CDK1: variants seen among roughly 807,000 people sequenced by gnomAD.
CDK1 encodes the protein cyclin dependent kinase 1.
Under a neutral mutation model 34.6 loss-of-function variants are expected in CDK1, and 5 were observed. The ratio of observed to expected loss-of-function variants is 0.14; its 90% CI spans 0.08 to 0.30. The LOEUF (loss-of-function observed/expected upper bound fraction) is 0.30. Among genes scored for constraint, CDK1 ranks in the 10% least tolerant of loss-of-function variants. The pLI, the probability that CDK1 is intolerant of heterozygous loss-of-function variation, is 1.00. For synonymous variants in CDK1, 108 were observed against 114.7 expected, an observed-to-expected ratio of 0.94 and a Z score of 0.37; for missense variants, 157 against 345.7, an observed-to-expected ratio of 0.45 and a Z score of 4.33.
intron 5 of CDK1, 32 bp downstream of exon 5, chr10:60,788,262 G>C (rs2080332145): frequency 7.3e-7 from 1 of 1,364,244 alleles, no homozygotes; most frequent in Non-Finnish European, 1.0e-6. Context: ...GATGGCTTTT[G>C]AATGTGTGTG....
At chr10:60,791,820 A>G in intron 5 of CDK1, 70 bp from the exon 6 acceptor site, 2 of 796,262 alleles carry the variant, frequency 2.5e-6, no homozygotes, top group Admixed American at 2.8e-5. Flanking sequence ...CCTAATAAAA[A>G]TATAAATGTT....
chr10:60,786,944 T>A (rs1289603599), intron 4 of CDK1: 9 of 983,056 alleles, frequency 9.2e-6, no homozygotes, highest in Non-Finnish European at 9.7e-6. Context: ...GAATAATACA[T>A]GTCAGTATTT....
chr10:60,786,554 T>C (rs2080317908), intron 4 of CDK1: 1 of 181,118 alleles, frequency 5.5e-6, no homozygotes, highest in African/African-American at 2.4e-5. Flanking sequence ...GATATTTATC[T>C]TCGTATGCAA....
chr10:60,784,848 C>T lies in CDK1; in HGVS notation c.181C>T (p.Pro61Ser), dbSNP rs1238716954. 3 of 1,612,852 alleles carry T rather than the reference C, an allele frequency of 1.9e-6. No homozygotes were observed. The highest frequency in any genetic ancestry group is 1.7e-6 in the Non-Finnish European group (2 of 1,179,078). ...EISLLKELRHPNIVSLQDVLM... is the reference protein window; with the variant it reads ...EISLLKELRHSNIVSLQDVLM... ...TTCTCTATTAAAGGAACTTCGTCAT[C>T]CAAATATAGTCAGGTATGTTGTAAT... The change falls in exon 3 of 8, where the codon CCA becomes TCA. Residue 61 changes from proline to serine, a missense_variant. Transcript: ENST00000395284.
intron 5 of CDK1, among the ~76,000 whole-genome samples, chr10:60,788,525 T>A (rs925847456): frequency 6.6e-6 from 1 of 152,102 alleles, no homozygotes; most frequent in Non-Finnish European, 1.5e-5. Context: ...TTTTTTACTT[T>A]ATTTATTTAC....
At chr10:60,778,772 G>A (rs1162076132) in intron 1 of CDK1, 3 of 152,620 alleles carry the variant, frequency 2.0e-5, no homozygotes, top group Non-Finnish European at 4.4e-5. Flanking sequence ...TTAGAGGGAG[G>A]CTATGGGAGC....
At chr10:60,782,973 C>T (rs1436279893) in intron 2 of CDK1, among the ~76,000 whole-genome samples, 2 of 151,976 alleles carry the variant, frequency 1.3e-5, no homozygotes, top group African/African-American at 4.8e-5. Flanking sequence ...TGAGATTGTA[C>T]ACTTGAGGGA....
intron 5 of CDK1, among the ~76,000 whole-genome samples, chr10:60,788,779 T>G (rs2080335745): frequency 6.6e-6 from 1 of 152,108 alleles, no homozygotes; most frequent in Non-Finnish European, 1.5e-5. Context: ...AAGGGAACAT[T>G]GTATAATAAA....
intron 2 of CDK1, among the ~76,000 whole-genome samples, chr10:60,781,765 T>A (rs1029021495): frequency 8.5e-5 from 13 of 152,094 alleles, no homozygotes; most frequent in Admixed American, 3.3e-4. Flanking sequence ...TATCTCCTCC[T>A]CTAGTCCAAG....
chr10:60,785,280 A>G (rs1247530207), intron 3 of CDK1, among the ~76,000 whole-genome samples: 1 of 152,184 alleles, frequency 6.6e-6, no homozygotes, highest in Admixed American at 6.5e-5. Flanking sequence ...CTGTCTTCCT[A>G]ACAGTCCAAG....
intron 2 of CDK1, 93 bp downstream of exon 2, chr10:60,780,295 A>G: frequency 1.3e-6 from 1 of 758,060 alleles, no homozygotes; most frequent in Non-Finnish European, 2.3e-6. Flanking sequence ...ATTAAAATTC[A>G]ACCATTAAGT....
At position 60,786,656 on chromosome 10, in the gene CDK1, T is replaced by G. The variant is rs896334087; in HGVS notation, c.318+869T>G. The G allele has an allele frequency of 4.6e-5, 8 of 175,354 alleles. No homozygotes were observed. The Admixed American group carries it at 4.6e-4, about 10-fold the overall frequency. 10.9% of individuals were successfully genotyped at this position (175,354 alleles called of 1,614,324 possible). A position where few individuals can be genotyped will look rare whatever the true frequency, so the allele number is the denominator to read the frequency against. ...ATTGCCGGTTGCCCCCTAAAAAACT[T>G]GTAGCAATTTACTCTTAAATACTCA... On this transcript the variant is annotated intron_variant, in intron 4 of 7. Coordinates refer to ENST00000395284, the MANE Select transcript of CDK1 (RefSeq NM_001786.5).
chr10:60,792,456 G>A (rs1310548839), intron 7 of CDK1, among the ~76,000 whole-genome samples, 167 bp downstream of exon 7: 4 of 152,036 alleles, frequency 2.6e-5, no homozygotes, highest in Non-Finnish European at 4.4e-5. Flanking sequence ...AGGCACTAGT[G>A]GCTTTGAGAG....
chr10:60,792,353 G>T, intron 7 of CDK1, 64 bp downstream of exon 7: 2 of 1,428,180 alleles, frequency 1.4e-6, no homozygotes, highest in Non-Finnish European at 1.9e-6. Context: ...TCAGTTCTTT[G>T]TTTTGCCTAG....
At chr10:60,793,825 T>TA (rs921266928) in intron 7 of CDK1, 52 bp from the exon 8 acceptor site, 9 of 1,023,842 alleles carry the variant, frequency 8.8e-6, no homozygotes, top group African/African-American at 6.8e-5. Context: ...GAGATTTTTG[T>TA]AAAAAATGGT....
intron 2 of CDK1, among the ~76,000 whole-genome samples, chr10:60,781,413 G>A (rs2080271672): frequency 6.6e-6 from 1 of 152,114 alleles, no homozygotes; most frequent in African/African-American, 2.4e-5. Context: ...CAGTGTGACA[G>A]TGGTAAACCC....
chr10:60,786,103 T>A, intron 4 of CDK1: 1 of 1,010,138 alleles, frequency 9.9e-7, no homozygotes, highest in Non-Finnish European at 1.2e-6. Flanking sequence ...TAGGGCAGAG[T>A]GGTGGTTGTA....
At chr10:60,789,620 A>G (rs2080342407) in intron 5 of CDK1, among the ~76,000 whole-genome samples, 1 of 152,128 alleles carries the variant, frequency 6.6e-6, no homozygotes, top group African/African-American at 2.4e-5. Flanking sequence ...CATTTTCTGT[A>G]TGTGTGTATG....
At chr10:60,780,394 A>C (rs1214983316) in intron 2 of CDK1, among the ~76,000 whole-genome samples, 192 bp downstream of exon 2, 1 of 152,162 alleles carries the variant, frequency 6.6e-6, no homozygotes, top group Non-Finnish European at 1.5e-5. Context: ...AAATTACCGA[A>C]TCCCTAATGA....
Sources: gnomAD v4.1 joint callset for allele counts (sites outside exome capture counted in the v4.1 genomes callset) on GRCh38, gnomAD v4.1.1 for gene constraint, MANE v1.5 for transcripts, NCBI Gene and HGNC (gene_info 2026-07-23, HGNC 2026-07-21) for gene names.